Variants in LRRC9 observed in about 807,000 individuals in gnomAD.
LRRC9 encodes leucine rich repeat containing 9.
A neutral mutation model predicts 63.2 loss-of-function variants in LRRC9; 122 were observed. The observed-to-expected ratio is 1.93, with a 90% CI of 1.67 to 2.24. The LOEUF is 2.24. LRRC9 is among the 30% of genes most tolerant of loss of function. The probability of loss-of-function intolerance (pLI) is 0.00; values close to 1 mark genes in which losing one functional copy is unlikely to be tolerated. For missense variants in LRRC9, 1,071 were observed against 627.7 expected (o/e 1.71, Z -7.55); for synonymous variants, 366 against 213.1 (o/e 1.72, Z -6.25).
At chr14:60,049,450 G>A (rs1893712258) in intron 29 of LRRC9, among the ~76,000 whole-genome samples, 1 of 152,178 alleles carries the variant, frequency 6.6e-6, no homozygotes. Flanking sequence ...GGCAGGCCTG[G>A]TGGTGACAAA....
chr14:59,949,596 T>C (rs1882879892), intron 8 of LRRC9, among the ~76,000 whole-genome samples: 1 of 151,546 alleles, frequency 6.6e-6, no homozygotes, highest in Non-Finnish European at 1.5e-5. Flanking sequence ...TGTTAGGGTG[T>C]CAATTTTGGA....
At chr14:60,046,924 C>A (rs945623074) in intron 29 of LRRC9, among the ~76,000 whole-genome samples, 2 of 152,142 alleles carry the variant, frequency 1.3e-5, no homozygotes, top group Admixed American at 6.6e-5. Flanking sequence ...TGTGTCCTCT[C>A]TGATTTCCCC....
intron 8 of LRRC9, among the ~76,000 whole-genome samples, chr14:59,959,353 G>A (rs796345134): frequency 1.3e-5 from 2 of 152,046 alleles, no homozygotes; most frequent in Non-Finnish European, 1.5e-5. Context: ...ATATGCTTTC[G>A]TGTAATTTTA....
At chr14:59,981,720 G>A (rs1164931877) in intron 15 of LRRC9, 128 bp from the exon 16 acceptor site, 4 of 607,848 alleles carry the variant, frequency 6.6e-6, no homozygotes, top group Non-Finnish European at 1.2e-5. Flanking sequence ...GTCCTAATGT[G>A]ATTCTGATAA....
intron 9 of LRRC9, among the ~76,000 whole-genome samples, chr14:59,960,264 C>T (rs1467453748): frequency 6.6e-6 from 1 of 152,194 alleles, no homozygotes; most frequent in Non-Finnish European, 1.5e-5. Flanking sequence ...GGATTCCTGT[C>T]CTATCACTGC....
chr14:59,965,804 A>C (rs1175397530), intron 10 of LRRC9, among the ~76,000 whole-genome samples: 1 of 140,550 alleles, frequency 7.1e-6, no homozygotes, highest in Non-Finnish European at 1.5e-5. Context: ...AATGGCGTGA[A>C]CCCGGGAGGC....
In LRRC9 at chr14:59,962,414, T is replaced by G. The variant is rs1038648223; in HGVS notation, c.1211+1369T>G. 1.3e-5 allele frequency among the ~76,000 whole-genome samples: 2 copies of G among 152,188 alleles called. No individual in the cohort carries two copies. The highest frequency in any genetic ancestry group is 4.8e-5 in the African/African-American group (2 of 41,436). On this transcript the variant is annotated intron_variant, in intron 10 of 31. Transcript: ENST00000445360. The surrounding 1 kb of genome is among the most constrained non-coding windows in gnomAD (Gnocchi z 5.1). ...ATTCACTCAACCTAAACAGGATTTT[T>G]TTTTTTTGAGATAGAGTCTCGCTGT... is the stretch of plus-strand genomic sequence containing the variant.
intron 8 of LRRC9, among the ~76,000 whole-genome samples, chr14:59,951,677 G>T (rs1883137543): frequency 6.7e-6 from 1 of 148,744 alleles, no homozygotes; most frequent in South Asian, 2.1e-4. Flanking sequence ...TGGGTTTTCG[G>T]TGTGGATGTC....
At chr14:59,988,551 G>C (rs752620114) in intron 17 of LRRC9, among the ~76,000 whole-genome samples, 2 of 151,838 alleles carry the variant, frequency 1.3e-5, no homozygotes, top group Admixed American at 1.3e-4. Context: ...ATCTACTGTT[G>C]TACACGCAAC....
chr14:60,042,023 C>A lies in LRRC9; in HGVS notation c.3990+9960C>A, dbSNP rs757878278. ...AGTTTGCTGGAGGTCCACTCCAGACCCTGTTTGCCTGGGTATCACCAGCGG... is the reference window on the plus strand; with the variant it reads ...AGTTTGCTGGAGGTCCACTCCAGACACTGTTTGCCTGGGTATCACCAGCGG... On this transcript the variant is annotated intron_variant, in intron 29 of 31. Transcript: ENST00000445360. This position sits in a 1 kb window ranked among gnomAD's most constrained non-coding sequence, Gnocchi z 4.2. Among the ~76,000 whole-genome samples, 1 of 152,118 alleles carries A rather than the reference C, an allele frequency of 6.6e-6. No homozygotes were observed. Among genetic ancestry groups the A allele is most frequent in the Non-Finnish European group, 1.5e-5 (1 of 68,042 alleles).
intron 31 of LRRC9, 92 bp from the exon 33 acceptor site, chr14:60,063,231 G>C (rs117610982): frequency 0.028 from 18,596 of 662,176 alleles, 411 homozygotes; most frequent in South Asian, 0.054. Context: ...CTAAAATACA[G>C]AAATTATTTA....
At chr14:60,019,178 A>G in exon 26 of LRRC9, 1 of 700,060 alleles carries the variant, frequency 1.4e-6, no homozygotes, top group East Asian at 2.7e-5. Flanking sequence ...AAAGCCTCAG[A>G]CTCACTTAAC....
intron 29 of LRRC9, among the ~76,000 whole-genome samples, chr14:60,046,938 C>A (rs2053540236): frequency 6.6e-6 from 1 of 152,186 alleles, no homozygotes; most frequent in African/African-American, 2.4e-5. Context: ...TTTCCCCGAG[C>A]AGTAGTTTGT....
At position 59,938,930 on chromosome 14, in the gene LRRC9, CACAT is replaced by C. The variant is rs1238824422; in HGVS notation, c.726+360_726+363del. 7.5e-3 allele frequency among the ~76,000 whole-genome samples: 917 copies of C among 122,424 alleles called. 12 individuals carry two copies. The highest frequency in any genetic ancestry group is 0.028 in the African/African-American group (876 of 30,906). The allele number at this position is 122,424 out of a possible 152,430, so 80.3% of individuals were successfully genotyped here. A position where few individuals can be genotyped will look rare whatever the true frequency, so the allele number is the denominator to read the frequency against. ...ATATATACACATATGCATATATATA[CACAT>C]ATATACATATACATACATATATACA... is the stretch of plus-strand genomic sequence containing the variant. On this transcript the variant is annotated intron_variant, in intron 7 of 31. Transcript: ENST00000445360. The surrounding 1 kb of genome is among the most constrained non-coding windows in gnomAD (Gnocchi z 4.2).
In LRRC9 at chr14:60,051,788, CTG is replaced by C. The variant is rs759575400; in HGVS notation, c.3991-1273_3991-1272del. Among the ~76,000 whole-genome samples the C allele has an allele frequency of 3.2e-4, 49 of 152,346 alleles. No homozygotes were observed. Among genetic ancestry groups the C allele is most frequent in the Middle Eastern group, 3.4e-3 (1 of 294 alleles). On this transcript the variant is annotated intron_variant, in intron 29 of 31. Transcript: ENST00000445360. The surrounding 1 kb of genome is among the most constrained non-coding windows in gnomAD (Gnocchi z 4.7). ...TACTCTGCCAAGACTCCACACTGCT[CTG>C]TGTATCAGACCCAAAGCCCTGGAGA...
At chr14:60,002,048 A>T (rs777211541) in exon 20 of LRRC9, 2 of 702,378 alleles carry the variant, frequency 2.8e-6, no homozygotes, top group Non-Finnish European at 5.2e-6. Flanking sequence ...ATTCTGACGC[A>T]GGTTTCAAAG....
At chr14:60,066,092 T>C (rs544725657), downstream of LRRC9, among the ~76,000 whole-genome samples, 1 of 152,046 alleles carries the variant, frequency 6.6e-6, no homozygotes, top group Non-Finnish European at 1.5e-5. Flanking sequence ...GTGCTGGGAT[T>C]ATAGGCATGA....
At chr14:60,006,363 C>A in intron 21 of LRRC9, 34 bp from the exon 22 acceptor site, 1 of 667,948 alleles carries the variant, frequency 1.5e-6, no homozygotes, top group South Asian at 1.6e-5. Context: ...TTAGTGTTAT[C>A]TGAATCTTTT....
At position 59,964,383 on chromosome 14, in the gene LRRC9, C is replaced by T. The variant is rs545574432; in HGVS notation, c.1212-2206C>T. 6.6e-6 allele frequency among the ~76,000 whole-genome samples: 1 copy of T among 152,286 alleles called. No homozygotes were observed. The highest frequency in any genetic ancestry group is 1.9e-4 in the East Asian group (1 of 5,166). On this transcript the variant is annotated intron_variant, in intron 10 of 31. Coordinates refer to ENST00000445360, the Ensembl canonical transcript of LRRC9. The surrounding 1 kb of genome is among the most constrained non-coding windows in gnomAD (Gnocchi z 4.4). ...CACCACATAAGTGGTTTTGTTTGTT[C>T]TGTTTCCTTCACCCAGAATGCTTTT...
Sources: gnomAD v4.1 joint callset for allele counts (sites outside exome capture counted in the v4.1 genomes callset) on GRCh38, gnomAD v4.1.1 for gene constraint, Gnocchi (gnomAD v3.1) non-coding constraint, MANE v1.5 for transcripts, NCBI Gene and HGNC (gene_info 2026-07-23, HGNC 2026-07-21) for gene names.